Variants in BCAS3 observed in about 807,000 individuals in gnomAD.
The protein encoded by BCAS3 is BCAS4/BCAS3 fusion.
BCAS3 carries 53 observed loss-of-function variants against 116.1 expected under a neutral mutation model. That is an observed-to-expected ratio of 0.46 (90% CI 0.37 to 0.57). The LOEUF is 0.57. BCAS3 is among the 20% of genes least tolerant of loss of function. BCAS3 has a pLI of 0.00. For missense variants in BCAS3, 917 were observed against 1,165.4 expected (o/e 0.79, Z 3.10); for synonymous variants, 391 against 408.2 (o/e 0.96, Z 0.51).
intron 19 of BCAS3, among the ~76,000 whole-genome samples, chr17:61,072,488 C>T (rs2071529011): frequency 6.6e-6 from 1 of 152,042 alleles, no homozygotes; most frequent in South Asian, 2.1e-4. Context: ...AAACTCCAAC[C>T]ACCCAGTAAA....
chr17:60,848,809 T>C (rs900040276), intron 7 of BCAS3, among the ~76,000 whole-genome samples: 21 of 151,074 alleles, frequency 1.4e-4, no homozygotes, highest in African/African-American at 5.1e-4. Context: ...AGCAGTCCTC[T>C]GGCTTCAGCC....
chr17:61,333,369 A>G lies in BCAS3; in HGVS notation c.2426-34958A>G, dbSNP rs1044364113. Among the ~76,000 whole-genome samples the G allele has an allele frequency of 3.9e-5, 6 of 152,158 alleles. No homozygotes were observed. Among genetic ancestry groups the G allele is most frequent in the African/African-American group, 1.4e-4 (6 of 41,448 alleles). ...AGAGGGCACCAGTTCTTACCAGACA[A>G]TAGCTGTCTATGACCTCAAGCCAGG... On this transcript the variant is annotated intron_variant, in intron 22 of 23. Coordinates refer to ENST00000407086, the MANE Select transcript of BCAS3 (RefSeq NM_017679.5). This position sits in a 1 kb window ranked among gnomAD's most constrained non-coding sequence, Gnocchi z 4.8.
intron 19 of BCAS3, among the ~76,000 whole-genome samples, chr17:61,067,713 TCAAACAAA>T (rs1216182957): frequency 5.7e-5 from 7 of 123,274 alleles, no homozygotes; most frequent in African/African-American, 2.0e-4. Flanking sequence ...AGACTCCATC[TCAAACAAA>T]CAAACAAAAA....
At chr17:61,272,291 G>A (rs2050349816) in intron 22 of BCAS3, among the ~76,000 whole-genome samples, 1 of 152,044 alleles carries the variant, frequency 6.6e-6, no homozygotes, top group South Asian at 2.1e-4. Context: ...ATACTAGGTT[G>A]TTTTTTAGGA....
In BCAS3 at chr17:60,962,887, T is replaced by C. The variant is rs1443182379; in HGVS notation, c.1221+15535T>C. On this transcript the variant is annotated intron_variant, in intron 14 of 23. Coordinates refer to ENST00000407086, the MANE Select transcript of BCAS3 (RefSeq NM_017679.5). This position sits in a 1 kb window ranked among gnomAD's most constrained non-coding sequence, Gnocchi z 4.4. ...CATAGTTTGAGGTCTTAGATTTACGTCTTTAATCGATTTTGATTTGATTTT... is the reference window on the plus strand; with the variant it reads ...CATAGTTTGAGGTCTTAGATTTACGCCTTTAATCGATTTTGATTTGATTTT... Among the ~76,000 whole-genome samples the C allele has an allele frequency of 6.6e-6, 1 of 152,232 alleles. No individual in the cohort carries two copies. The highest frequency in any genetic ancestry group is 6.5e-5 in the Admixed American group (1 of 15,270).
rs1226443308 is a variant in BCAS3, at chr17:61,276,902, A to G, written c.2426-91425A>G. On this transcript the variant is annotated intron_variant, in intron 22 of 23. Coordinates refer to ENST00000407086, the MANE Select transcript of BCAS3 (RefSeq NM_017679.5). This position sits in a 1 kb window ranked among gnomAD's most constrained non-coding sequence, Gnocchi z 4.2. Reference sequence around the variant, plus strand: ...TTGAAAGTCCAAAAATAACCCTCACATTTACAGTCAATTGAATTTTAAACA... The same window carrying G: ...TTGAAAGTCCAAAAATAACCCTCACGTTTACAGTCAATTGAATTTTAAACA... 6.6e-6 allele frequency among the ~76,000 whole-genome samples: 1 copy of G among 152,182 alleles called. No homozygotes were observed. Among genetic ancestry groups the G allele is most frequent in the Non-Finnish European group, 1.5e-5 (1 of 68,028 alleles).
rs72834660 is a variant in BCAS3, at chr17:61,383,572, G to A, written c.2594-8405G>A. On this transcript the variant is annotated intron_variant, in intron 23 of 23. Transcript: ENST00000407086. ...CCTCTCAGGTGGGTAAATGGAACAC[G>A]GGGGTGGGGGAGATCCGTGTATCCC... 9.4e-3 allele frequency: 1,434 copies of A among 152,502 alleles called. 15 individuals carry two copies. The highest frequency in any genetic ancestry group is 0.015 in the Non-Finnish European group (1,025 of 68,180). The allele number at this position is 152,502 out of a possible 1,614,324, so 9.4% of individuals were successfully genotyped here.
intron 22 of BCAS3, among the ~76,000 whole-genome samples, chr17:61,107,762 A>T (rs1409112127): frequency 6.6e-6 from 1 of 152,180 alleles, no homozygotes; most frequent in East Asian, 1.9e-4. Context: ...TTCACCTATT[A>T]TACAACATTT....
chr17:61,387,088 C>T lies in BCAS3; in HGVS notation c.2594-4889C>T, dbSNP rs2059896233. 6.6e-6 allele frequency among the ~76,000 whole-genome samples: 1 copy of T among 152,218 alleles called. No individual in the cohort carries two copies. Reference sequence around the variant, plus strand: ...GCACCTGGCCCGACTTCACCTCCGACCTACTGCTGGGGCCCCTGGTTTGGC... The same window carrying T: ...GCACCTGGCCCGACTTCACCTCCGATCTACTGCTGGGGCCCCTGGTTTGGC... On this transcript the variant is annotated intron_variant, in intron 23 of 23. Transcript: ENST00000407086. The surrounding 1 kb of genome is among the most constrained non-coding windows in gnomAD (Gnocchi z 6.2).
intron 22 of BCAS3, among the ~76,000 whole-genome samples, chr17:61,127,505 A>T (rs1426789234): frequency 6.6e-6 from 1 of 151,966 alleles, no homozygotes; most frequent in Non-Finnish European, 1.5e-5. Context: ...GTATTTTTTT[A>T]AATTTAGATT....
At position 61,387,993 on chromosome 17, in the gene BCAS3, A is replaced by G. The variant is rs1359116689; in HGVS notation, c.2594-3984A>G. Among the ~76,000 whole-genome samples, 3 of 152,018 alleles carry G rather than the reference A, an allele frequency of 2.0e-5. No individual in the cohort carries two copies. The highest frequency in any genetic ancestry group is 2.9e-5 in the Non-Finnish European group (2 of 67,998). On this transcript the variant is annotated intron_variant, in intron 23 of 23. Coordinates refer to ENST00000407086, the MANE Select transcript of BCAS3 (RefSeq NM_017679.5). The surrounding 1 kb of genome is among the most constrained non-coding windows in gnomAD (Gnocchi z 6.2). ...AACAAGCTCTTTTAAAGCTTCTCCC[A>G]CTGACCAGAATCTCCACACCTCTAA...
chr17:60,932,081 TAAAA>T (rs1269734288), intron 13 of BCAS3, among the ~76,000 whole-genome samples: 2 of 151,722 alleles, frequency 1.3e-5, no homozygotes, highest in Non-Finnish European at 2.9e-5. Context: ...TAAAAAAAAA[TAAAA>T]AATAAAATAA....
chr17:60,788,746 A>T (rs558115577), intron 6 of BCAS3, among the ~76,000 whole-genome samples: 25 of 152,220 alleles, frequency 1.6e-4, no homozygotes, highest in Non-Finnish European at 2.9e-5. Flanking sequence ...AAAATTGCTC[A>T]CAAGTTCCTG....
intron 22 of BCAS3, among the ~76,000 whole-genome samples, chr17:61,283,576 C>G (rs1307802286): frequency 6.6e-6 from 1 of 151,854 alleles, no homozygotes; most frequent in Non-Finnish European, 1.5e-5. Context: ...GCCTCAGCCT[C>G]CCAAGTAGCT....
At position 61,024,952 on chromosome 17, in the gene BCAS3, G is replaced by A. The variant is rs78739611; in HGVS notation, c.1637+9051G>A. Among the ~76,000 whole-genome samples, 545 of 152,192 alleles carry A rather than the reference G, an allele frequency of 3.6e-3. 11 individuals are homozygous for A. The East Asian group carries it at 0.076, about 21-fold the overall frequency. ...CCCTGAGTAGGTACAATATAACGAC[G>A]TAAGCCTGGACATTCCAGATTACAG... On this transcript the variant is annotated intron_variant, in intron 16 of 23. Coordinates refer to ENST00000407086, the MANE Select transcript of BCAS3 (RefSeq NM_017679.5).
chr17:61,312,959 A>C (rs1428986795), intron 22 of BCAS3, among the ~76,000 whole-genome samples: 1 of 152,204 alleles, frequency 6.6e-6, no homozygotes, highest in African/African-American at 2.4e-5. Context: ...AGTTAGAAGA[A>C]ATGTGTCTCC....
chr17:61,045,242 C>A (rs1423623783), intron 19 of BCAS3, among the ~76,000 whole-genome samples: 1 of 151,902 alleles, frequency 6.6e-6, no homozygotes, highest in African/African-American at 2.4e-5. Context: ...GGCATGGTGG[C>A]TCATGCCTGT....
At chr17:60,684,796 TTGACTACCA>T in intron 3 of BCAS3, among the ~76,000 whole-genome samples, 1 of 152,238 alleles carries the variant, frequency 6.6e-6, no homozygotes, top group Non-Finnish European at 1.5e-5. Context: ...GTAGTCTTCC[TTGACTACCA>T]TGGGTATGTG....
At position 61,230,959 on chromosome 17, in the gene BCAS3, CTTTTTTTTTTT is replaced by C. The variant is rs763299746; in HGVS notation, c.2426-137357_2426-137347del. The stretch of plus-strand genomic sequence containing the variant: ...AGCCTCGCCAGCAGCTAGTTTTTGC[CTTTTTTTTTTT>C]TTTTTTTTTTCTAAGAGATAAGGTC... On this transcript the variant is annotated intron_variant, in intron 22 of 23. Coordinates refer to ENST00000407086, the MANE Select transcript of BCAS3 (RefSeq NM_017679.5). 1.6e-4 allele frequency among the ~76,000 whole-genome samples: 19 copies of C among 121,846 alleles called. No individual in the cohort carries two copies. In the East Asian group the frequency reaches 1.8e-3, roughly 11 times the overall value. The allele number at this position is 121,846 out of a possible 152,430, so 79.9% of individuals were successfully genotyped here. A position where few individuals can be genotyped will look rare whatever the true frequency, so the allele number is the denominator to read the frequency against.
Sources: gnomAD v4.1 joint callset for allele counts (sites outside exome capture counted in the v4.1 genomes callset) on GRCh38, gnomAD v4.1.1 for gene constraint, Gnocchi (gnomAD v3.1) non-coding constraint, MANE v1.5 for transcripts, NCBI Gene and HGNC (gene_info 2026-07-23, HGNC 2026-07-21) for gene names.